The following ERGIC1 variants were observed in gnomAD, a reference collection of about 807,000 sequenced individuals.
ERGIC1 encodes endoplasmic reticulum-Golgi intermediate compartment protein 1.
In ERGIC1, 19 loss-of-function variants were observed where a neutral mutation model predicts 38.3. That is an observed-to-expected ratio of 0.50 (90% CI 0.35 to 0.73). The LOEUF (loss-of-function observed/expected upper bound fraction) is 0.73, where lower values mean the gene tolerates loss of function less well. Ranked by LOEUF, ERGIC1 falls within the 30% of genes least tolerant of loss-of-function variation. ERGIC1 has a pLI of 0.01. For synonymous variants in ERGIC1, 124 were observed against 157.6 expected, an observed-to-expected ratio of 0.79 and a Z score of 1.60; for missense variants, 294 against 389.2, an observed-to-expected ratio of 0.76 and a Z score of 2.06.
At chr5:172,918,794 G>A (rs1369868038) in intron 5 of ERGIC1, among the ~76,000 whole-genome samples, 1 of 152,162 alleles carries the variant, frequency 6.6e-6, no homozygotes, top group Non-Finnish European at 1.5e-5. Flanking sequence ...GTTGGTGGGG[G>A]ACCTCTGCTG....
At chr5:172,907,172 G>C (rs1338617439) in intron 3 of ERGIC1, among the ~76,000 whole-genome samples, 1 of 152,162 alleles carries the variant, frequency 6.6e-6, no homozygotes, top group Non-Finnish European at 1.5e-5. Flanking sequence ...TCTCCCTCTT[G>C]CACAGCAGCC....
intron 1 of ERGIC1, among the ~76,000 whole-genome samples, chr5:172,870,798 C>T (rs1370554359): frequency 6.6e-6 from 1 of 152,218 alleles, no homozygotes; most frequent in East Asian, 1.9e-4. Context: ...TCTGCAAAGC[C>T]TCATTGCTGG....
At chr5:172,841,081 C>T (rs1442623146) in intron 1 of ERGIC1, among the ~76,000 whole-genome samples, 1 of 152,210 alleles carries the variant, frequency 6.6e-6, no homozygotes, top group East Asian at 1.9e-4. Flanking sequence ...GTTTGGGAAA[C>T]ACAGCCCTAA....
intron 3 of ERGIC1, chr5:172,898,093 G>A (rs1183816768): frequency 1.0e-5 from 4 of 390,474 alleles, no homozygotes; most frequent in African/African-American, 4.1e-5. Flanking sequence ...TTTACAGCCC[G>A]GAAAGTCATC....
chr5:172,894,490 G>A (rs1481618013), intron 2 of ERGIC1, among the ~76,000 whole-genome samples: 2 of 152,052 alleles, frequency 1.3e-5, no homozygotes, highest in Non-Finnish European at 2.9e-5. Flanking sequence ...CACCGCGCCT[G>A]GCCAACTTTT....
chr5:172,885,589 G>A (rs758326592), intron 1 of ERGIC1, among the ~76,000 whole-genome samples: 10 of 152,136 alleles, frequency 6.6e-5, no homozygotes, highest in Non-Finnish European at 1.5e-4. Context: ...GATCCCCTGT[G>A]CACCCCCTCA....
intron 1 of ERGIC1, among the ~76,000 whole-genome samples, chr5:172,856,562 G>C (rs1761554523): frequency 6.6e-6 from 1 of 152,114 alleles, no homozygotes; most frequent in East Asian, 1.9e-4. Flanking sequence ...AGGTGAGATG[G>C]GGCTGCCTGT....
chr5:172,943,529 A>C (rs905945351), intron 9 of ERGIC1, among the ~76,000 whole-genome samples: 1 of 152,128 alleles, frequency 6.6e-6, no homozygotes, highest in Admixed American at 6.5e-5. Flanking sequence ...CACGCTTTTA[A>C]AGCAGTGCTG....
At chr5:172,914,224 G>A in intron 4 of ERGIC1, among the ~76,000 whole-genome samples, 1 of 108,798 alleles carries the variant, frequency 9.2e-6, no homozygotes, top group Admixed American at 1.2e-4. Context: ...AAGAGAGCAA[G>A]ACTCTGTCTC....
At chr5:172,842,829 A>T (rs559809034) in intron 1 of ERGIC1, among the ~76,000 whole-genome samples, 1 of 152,188 alleles carries the variant, frequency 6.6e-6, no homozygotes, top group Non-Finnish European at 1.5e-5. Flanking sequence ...ATCCATTCAC[A>T]TTTTTTGTGC....
Position 172,834,505 on chromosome 5 carries a change from C to T in ERGIC1, c.20+72C>T. 1 of 1,243,548 alleles carries T rather than the reference C, an allele frequency of 8.0e-7. No homozygotes were observed. The allele number at this position is 1,243,548 out of a possible 1,614,324, so 77.0% of individuals were successfully genotyped here. A position where few individuals can be genotyped will look rare whatever the true frequency, so the allele number is the denominator to read the frequency against. On this transcript the variant is annotated intron_variant, in intron 1 of 9. Coordinates refer to ENST00000393784, the MANE Select transcript of ERGIC1 (RefSeq NM_001031711.3). This position sits in a 1 kb window ranked among gnomAD's most constrained non-coding sequence, Gnocchi z 4.1. ...AGGGAGCGCCCCGGCACGCCGCGGA[C>T]CCCTCCCGCCCTGCATGCAAAAGCG...
chr5:172,884,654 G>C lies in ERGIC1; in HGVS notation c.21-4045G>C, dbSNP rs1762374625. Among the ~76,000 whole-genome samples the C allele has an allele frequency of 2.6e-5, 4 of 152,078 alleles. No individual in the cohort carries two copies. In the South Asian group the frequency reaches 8.3e-4, roughly 32 times the overall value. ...TCCAGGCCCATCTTGTATTTTTCCT[G>C]CCCAGCCTAGAATCAGCCATTCCAA... On this transcript the variant is annotated intron_variant, in intron 1 of 9. Coordinates refer to ENST00000393784, the MANE Select transcript of ERGIC1 (RefSeq NM_001031711.3).
chr5:172,920,220 C>G (rs1166885210), intron 5 of ERGIC1: 6 of 678,746 alleles, frequency 8.8e-6, no homozygotes, highest in African/African-American at 8.8e-5. Flanking sequence ...GCCACTTTCC[C>G]TTTGAGGAAC....
intron 3 of ERGIC1, among the ~76,000 whole-genome samples, chr5:172,898,841 T>C (rs1762798128): frequency 6.6e-6 from 1 of 152,140 alleles, no homozygotes; most frequent in South Asian, 2.1e-4. Flanking sequence ...GAGATGGCCA[T>C]GTCCAAGTCA....
chr5:172,926,668 CACT>C lies in ERGIC1; in HGVS notation c.541+100_541+102del. On this transcript the variant is annotated intron_variant, in intron 7 of 9. Coordinates refer to ENST00000393784, the MANE Select transcript of ERGIC1 (RefSeq NM_001031711.3). The surrounding 1 kb of genome is among the most constrained non-coding windows in gnomAD (Gnocchi z 5.2). ...GAGGTGGGGGTGCCTGTCCAGCACC[CACT>C]CCAAGGCAGGGAGGCTGCTGCTCAC... 7.5e-7 allele frequency: 1 copy of C among 1,329,310 alleles called. No individual in the cohort carries two copies. Among genetic ancestry groups the C allele is most frequent in the Non-Finnish European group, 1.1e-6 (1 of 938,826 alleles). The allele number at this position is 1,329,310 out of a possible 1,614,324, so 82.3% of individuals were successfully genotyped here. A position where few individuals can be genotyped will look rare whatever the true frequency, so the allele number is the denominator to read the frequency against.
At chr5:172,853,555 C>T (rs1761466073) in intron 1 of ERGIC1, among the ~76,000 whole-genome samples, 1 of 152,202 alleles carries the variant, frequency 6.6e-6, no homozygotes, top group African/African-American at 2.4e-5. Flanking sequence ...AGTCAGTCTG[C>T]GCAACTGGGG....
At chr5:172,930,211 AT>A (rs1763746929) in intron 7 of ERGIC1, among the ~76,000 whole-genome samples, 1 of 149,958 alleles carries the variant, frequency 6.7e-6, no homozygotes. Context: ...AAGATACGGT[AT>A]GGTCCTATTT....
chr5:172,838,832 C>G (rs370667073), intron 1 of ERGIC1, among the ~76,000 whole-genome samples: 1 of 152,198 alleles, frequency 6.6e-6, no homozygotes. Flanking sequence ...CCTCTGAGCA[C>G]AGAGTTAACA....
At chr5:172,874,119 C>T (rs1762086049) in intron 1 of ERGIC1, among the ~76,000 whole-genome samples, 1 of 152,124 alleles carries the variant, frequency 6.6e-6, no homozygotes, top group South Asian at 2.1e-4. Context: ...TGCTCTGTCC[C>T]CCGGGCTGGA....
Sources: allele counts gnomAD v4.1 joint callset (sites outside exome capture counted in the v4.1 genomes callset), GRCh38; gene constraint gnomAD v4.1.1; non-coding constraint Gnocchi (gnomAD v3.1); transcripts MANE v1.5; gene names NCBI Gene and HGNC (gene_info 2026-07-23, HGNC 2026-07-21).